Variants in HCN1 observed in about 807,000 individuals in gnomAD.
HCN1 encodes the protein hyperpolarization activated cyclic nucleotide gated potassium channel 1.
Under a neutral mutation model 78.9 loss-of-function variants are expected in HCN1, and 13 were observed. The observed-to-expected ratio is 0.16, with a 90% confidence interval of 0.11 to 0.26. HCN1 has a LOEUF of 0.26. Ranked by LOEUF, HCN1 falls within the 10% of genes least tolerant of loss-of-function variation. The pLI, the probability that HCN1 is intolerant of heterozygous loss-of-function variation, is 1.00. For synonymous variants in HCN1, 552 were observed against 455.5 expected (o/e 1.21, Z -2.70); for missense variants, 810 against 1,154.3 (o/e 0.70, Z 4.32).
chr5:45,581,380 T>C (rs1442629929), intron 2 of HCN1, among the ~76,000 whole-genome samples: 1 of 152,206 alleles, frequency 6.6e-6, no homozygotes, highest in Non-Finnish European at 1.5e-5. Flanking sequence ...TGTTTTTTTC[T>C]TGTAAATTTC....
intron 3 of HCN1, among the ~76,000 whole-genome samples, chr5:45,430,413 G>GT (rs549237518): frequency 0.026 from 3,728 of 144,446 alleles, 56 homozygotes; most frequent in African/African-American, 0.05. Context: ...CAGATAGGTA[G>GT]TTTTTTTTTT....
intron 7 of HCN1, among the ~76,000 whole-genome samples, chr5:45,265,093 G>C (rs1744830901): frequency 6.6e-6 from 1 of 152,014 alleles, no homozygotes; most frequent in Admixed American, 6.6e-5. Flanking sequence ...AGGAGGCTGA[G>C]GCAGGAGAAT....
chr5:45,398,239 A>C (rs1250038708), intron 3 of HCN1, among the ~76,000 whole-genome samples: 1 of 152,092 alleles, frequency 6.6e-6, no homozygotes. Context: ...TTTTTAATTT[A>C]ACTTTTTACT....
chr5:45,355,956 C>G (rs779807055), intron 4 of HCN1, among the ~76,000 whole-genome samples: 2 of 151,860 alleles, frequency 1.3e-5, no homozygotes, highest in Non-Finnish European at 2.9e-5. Context: ...AAAACAGGAG[C>G]TTTTTCTTTT....
At chr5:45,655,066 G>T (rs796447651) in intron 1 of HCN1, among the ~76,000 whole-genome samples, 2 of 152,166 alleles carry the variant, frequency 1.3e-5, no homozygotes, top group African/African-American at 4.8e-5. Context: ...CCAGTTTGCA[G>T]GTGTGATGGA....
At chr5:45,303,901 A>C (rs1032133644) in intron 5 of HCN1, 62 bp from the exon 6 acceptor site, 2 of 1,447,440 alleles carry the variant, frequency 1.4e-6, no homozygotes, top group African/African-American at 2.8e-5. Context: ...GAAGAAAAAC[A>C]TGCTGAAATT....
At chr5:45,450,571 G>A (rs1204261585) in intron 3 of HCN1, among the ~76,000 whole-genome samples, 1 of 152,050 alleles carries the variant, frequency 6.6e-6, no homozygotes. Context: ...TGCTTCACAT[G>A]GTTGTGAACA....
chr5:45,313,929 T>C (rs1208471896), intron 5 of HCN1, among the ~76,000 whole-genome samples: 1 of 152,204 alleles, frequency 6.6e-6, no homozygotes, highest in African/African-American at 2.4e-5. Context: ...TACAACCAAG[T>C]TGGAAAACAC....
rs547866085 is a variant in HCN1 at position 45,444,020 on chromosome 5, T to G, written c.1011+17826A>C. ...AAATGTACTACACAGAGAAATGTGTTGCAAAGCAAGGAGCTTTTGTTTTCT... is the reference window on the plus strand; with the variant it reads ...AAATGTACTACACAGAGAAATGTGTGGCAAAGCAAGGAGCTTTTGTTTTCT... On this transcript the variant is annotated intron_variant, in intron 3 of 7. Transcript: ENST00000303230. Among the ~76,000 whole-genome samples, 17 of 152,256 alleles carry G rather than the reference T, an allele frequency of 1.1e-4. No homozygotes were observed. In the South Asian group the frequency reaches 3.3e-3, roughly 30 times the overall value.
At chr5:45,634,967 C>T (rs1034580915) in intron 2 of HCN1, among the ~76,000 whole-genome samples, 3 of 152,050 alleles carry the variant, frequency 2.0e-5, no homozygotes, top group African/African-American at 7.2e-5. Context: ...TAGTTGATCT[C>T]CCAAGCATTA....
intron 5 of HCN1, among the ~76,000 whole-genome samples, chr5:45,318,357 T>C (rs988052141): frequency 6.6e-6 from 1 of 152,052 alleles, no homozygotes; most frequent in Admixed American, 6.6e-5. Flanking sequence ...AGGTGGGAAT[T>C]GAACAATGAG....
intron 2 of HCN1, among the ~76,000 whole-genome samples, chr5:45,616,004 TA>T (rs1180220244): frequency 6.6e-6 from 1 of 151,652 alleles, no homozygotes; most frequent in East Asian, 1.9e-4. Context: ...TAAATAATTT[TA>T]CATACCCAGG....
intron 2 of HCN1, among the ~76,000 whole-genome samples, chr5:45,489,228 G>C (rs1415719599): frequency 6.6e-6 from 1 of 152,152 alleles, no homozygotes; most frequent in Non-Finnish European, 1.5e-5. Flanking sequence ...GCAAAGTTTT[G>C]TTGCATTTTG....
intron 5 of HCN1, among the ~76,000 whole-genome samples, chr5:45,344,959 C>T (rs889883880): frequency 1.3e-5 from 2 of 152,204 alleles, no homozygotes; most frequent in East Asian, 3.9e-4. Flanking sequence ...CCCTACCACA[C>T]TGCCCTAGCA....
At chr5:45,651,768 C>A (rs1745680878) in intron 1 of HCN1, among the ~76,000 whole-genome samples, 1 of 151,806 alleles carries the variant, frequency 6.6e-6, no homozygotes, top group Non-Finnish European at 1.5e-5. Flanking sequence ...GTTTCATTGG[C>A]CAGGTTTGCT....
At chr5:45,639,840 C>T (rs1745420045) in intron 2 of HCN1, among the ~76,000 whole-genome samples, 1 of 152,154 alleles carries the variant, frequency 6.6e-6, no homozygotes, top group East Asian at 1.9e-4. Context: ...CATTCTGTAG[C>T]ACTCTAAAAT....
intron 4 of HCN1, among the ~76,000 whole-genome samples, chr5:45,373,459 T>C (rs1747481424): frequency 7.2e-6 from 1 of 138,450 alleles, no homozygotes; most frequent in Non-Finnish European, 1.5e-5. Context: ...ATTTATATTA[T>C]ATACATTATA....
chr5:45,634,348 AT>A (rs1390179789), intron 2 of HCN1, among the ~76,000 whole-genome samples: 1 of 152,014 alleles, frequency 6.6e-6, no homozygotes, highest in African/African-American at 2.4e-5. Flanking sequence ...ACTCTTGAAG[AT>A]GATAAAGATC....
At chr5:45,424,444 TAAG>T (rs919951129) in intron 3 of HCN1, among the ~76,000 whole-genome samples, 7 of 152,066 alleles carry the variant, frequency 4.6e-5, no homozygotes, top group African/African-American at 7.2e-5. Context: ...CTGCAGAAAA[TAAG>T]AAGATTAAAT....
Sources: allele counts gnomAD v4.1 joint callset (sites outside exome capture counted in the v4.1 genomes callset), GRCh38; gene constraint gnomAD v4.1.1; transcripts MANE v1.5; gene names NCBI Gene and HGNC (gene_info 2026-07-23, HGNC 2026-07-21).